The following GPR19 variants were observed in gnomAD, a reference collection of about 807,000 sequenced individuals.
The protein encoded by GPR19 is probable G protein-coupled receptor 19.
A neutral mutation model predicts 28.5 loss-of-function variants in GPR19; 14 were observed. That is an observed-to-expected ratio of 0.49 (90% CI 0.32 to 0.77). The LOEUF is 0.77. Among genes scored for constraint, GPR19 ranks in the 30% least tolerant of loss-of-function variants. GPR19 has a pLI of 0.03. For missense variants in GPR19, 409 were observed against 504.1 expected (o/e 0.81, Z 1.81); for synonymous variants, 173 against 184.1 (o/e 0.94, Z 0.49).
chr12:12,703,012 C>CT, the GPR19 span, among the ~76,000 whole-genome samples: 40 of 152,086 alleles, frequency 2.6e-4, no homozygotes, highest in Non-Finnish European at 5.0e-4. Flanking sequence ...AATTTATTTC[C>CT]TTTTTTTGTA....
intron 3 of GPR19, 128 bp downstream of exon 3, chr12:12,684,223 A>G (rs747374136): frequency 6.6e-6 from 1 of 152,204 alleles, no homozygotes. Context: ...CTGGACTGGT[A>G]ACAAACCTAA....
chr12:12,673,426 C>T (rs952663883), intron 3 of GPR19, among the ~76,000 whole-genome samples: 1 of 152,194 alleles, frequency 6.6e-6, no homozygotes, highest in Admixed American at 6.5e-5. Context: ...ACATAGTGCC[C>T]TGACACTGTG....
At chr12:12,716,515 A>T in the GPR19 span, among the ~76,000 whole-genome samples, 1 of 152,168 alleles carries the variant, frequency 6.6e-6, no homozygotes, top group Non-Finnish European at 1.5e-5. Flanking sequence ...CTTGGGAAGG[A>T]AGATCCTGGG....
At chr12:12,716,829 C>G in the GPR19 span, 10 of 984,948 alleles carry the variant, frequency 1.0e-5, no homozygotes, top group Middle Eastern at 1.0e-3. Context: ...CCAGCAAAGG[C>G]ACGCCGGCGG....
chr12:12,688,597 A>G (rs940420275), intron 2 of GPR19: 1 of 152,246 alleles, frequency 6.6e-6, no homozygotes, highest in Non-Finnish European at 1.5e-5. Flanking sequence ...CTCAAACCTC[A>G]TTCCTTGCAT....
Position 12,661,803 on chromosome 12 carries a change from A to G in GPR19, c.646T>C (p.Ser216Pro). 6.2e-7 allele frequency: 1 copy of G among 1,613,988 alleles called. No homozygotes were observed. The highest frequency in any genetic ancestry group is 8.5e-7 in the Non-Finnish European group (1 of 1,179,948). Residue 216 changes from serine (S) to proline (P), a missense_variant, in exon 4 of 4, where the codon TCC becomes CCC. Ser to Pro is a moderately conservative substitution (Grantham distance 74). Coordinates refer to ENST00000651487, the MANE Select transcript of GPR19 (RefSeq NM_006143.3). The surrounding 1 kb of genome is among the most constrained non-coding windows in gnomAD (Gnocchi z 4.2). ...WDSHCNYFLP[S>P]SWEGTAYTVI... ...GTGTAGGCAGTGCCTTCCCAAGAGG[A>G]GGGGAGGAAATAGTTACAATGACTG...
chr12:12,665,992 A>C (rs1945773030), intron 3 of GPR19, among the ~76,000 whole-genome samples: 2 of 152,138 alleles, frequency 1.3e-5, no homozygotes, highest in Non-Finnish European at 2.9e-5. Context: ...GGGGAAGAAA[A>C]GGAAAGGCTT....
At chr12:12,699,902 G>A (rs1446598397), upstream of GPR19, among the ~76,000 whole-genome samples, 3 of 151,936 alleles carry the variant, frequency 2.0e-5, no homozygotes, top group East Asian at 1.9e-4. Flanking sequence ...GATAGCTGCC[G>A]CAGTTCCAAA....
intron 3 of GPR19, among the ~76,000 whole-genome samples, chr12:12,670,217 CAAAT>C (rs77884714): frequency 1.3e-5 from 2 of 152,108 alleles, no homozygotes; most frequent in East Asian, 3.9e-4. Flanking sequence ...AGATAAATAA[CAAAT>C]AATTTTTTTG....
intron 3 of GPR19, among the ~76,000 whole-genome samples, chr12:12,676,014 G>A (rs1945925075): frequency 1.3e-5 from 2 of 152,166 alleles, no homozygotes; most frequent in Admixed American, 1.3e-4. Context: ...CTAATTCAAT[G>A]TAGCATTTCT....
chr12:12,696,069 T>C lies in GPR19; in HGVS notation c.-237A>G, dbSNP rs1008994252. 4 of 152,216 alleles carry C rather than the reference T, an allele frequency of 2.6e-5. No homozygotes were observed. The highest frequency in any genetic ancestry group is 9.7e-5 in the African/African-American group (4 of 41,440). The allele number at this position is 152,216 out of a possible 1,614,324, so 9.4% of individuals were successfully genotyped here. ...GGAAAGAAGGGATGACCATACGAGC[T>C]TGTGGACTTTTGCCTGCAAAATCTC... On this transcript the variant is annotated 5_prime_UTR_variant, in exon 1 of 4. Transcript: ENST00000651487.
chr12:12,678,994 G>T (rs567472897), intron 3 of GPR19, among the ~76,000 whole-genome samples: 2 of 151,954 alleles, frequency 1.3e-5, no homozygotes, highest in African/African-American at 2.4e-5. Context: ...ATGGGGTTTC[G>T]CCATGTTGCC....
At chr12:12,690,455 G>T (rs1946165752) in intron 2 of GPR19, among the ~76,000 whole-genome samples, 1 of 152,186 alleles carries the variant, frequency 6.6e-6, no homozygotes, top group Admixed American at 6.5e-5. Flanking sequence ...AAAAGTGGCA[G>T]CCAGACGTTA....
chr12:12,697,153 TAA>T (rs386375639), upstream of GPR19, among the ~76,000 whole-genome samples: 61 of 48,846 alleles, frequency 1.2e-3, no homozygotes, highest in African/African-American at 3.6e-3. Flanking sequence ...TGAAGCGAAG[TAA>T]AAAAAAAAAA....
the GPR19 span, chr12:12,716,606 G>GT: frequency 8.6e-4 from 134 of 156,210 alleles, 1 homozygote; most frequent in Admixed American, 0.011. Flanking sequence ...AGAGACTAGA[G>GT]TTTTTTGTTT....
intron 3 of GPR19, among the ~76,000 whole-genome samples, chr12:12,662,743 C>G (rs1350360924): frequency 6.6e-6 from 1 of 152,216 alleles, no homozygotes; most frequent in East Asian, 1.9e-4. Context: ...GAGCTCCCCT[C>G]CTACACATAT....
intron 3 of GPR19, among the ~76,000 whole-genome samples, chr12:12,681,370 A>G (rs17820331): frequency 0.11 from 16,098 of 152,144 alleles, 1,226 homozygotes; most frequent in Admixed American, 0.23. Flanking sequence ...CCCTCTTCTT[A>G]TTTCTGCTTT....
intron 2 of GPR19, among the ~76,000 whole-genome samples, chr12:12,689,375 G>A (rs2136334900): frequency 6.6e-6 from 1 of 152,296 alleles, no homozygotes; most frequent in South Asian, 2.1e-4. Context: ...GGTCCAGAAT[G>A]AAGCCAGGAG....
the GPR19 span, among the ~76,000 whole-genome samples, chr12:12,711,053 C>T: frequency 1.3e-5 from 2 of 152,092 alleles, no homozygotes; most frequent in African/African-American, 4.8e-5. Flanking sequence ...CCTGTAATCC[C>T]AGCACTTTGG....
Sources: gnomAD v4.1 joint callset for allele counts (sites outside exome capture counted in the v4.1 genomes callset) on GRCh38, gnomAD v4.1.1 for gene constraint, Gnocchi (gnomAD v3.1) non-coding constraint, MANE v1.5 for transcripts, NCBI Gene and HGNC (gene_info 2026-07-23, HGNC 2026-07-21) for gene names.